PTPRD: variants seen among roughly 807,000 people sequenced by gnomAD.
PTPRD encodes the protein receptor-type tyrosine-protein phosphatase delta.
Under a neutral mutation model 214.5 loss-of-function variants are expected in PTPRD, and 34 were observed. The observed-to-expected ratio is 0.16, with a 90% CI of 0.12 to 0.21. The LOEUF is 0.21. Ranked by LOEUF, PTPRD falls within the 10% of genes least tolerant of loss-of-function variation. The pLI, the probability that PTPRD is intolerant of heterozygous loss-of-function variation, is 1.00. For synonymous variants in PTPRD, 1,128 were observed against 845.7 expected (o/e 1.33, Z -5.79); for missense variants, 2,545 against 2,398.7 (o/e 1.06, Z -1.27).
At chr9:9,913,480 C>A (rs1424864727) in intron 5 of PTPRD, among the ~76,000 whole-genome samples, 1 of 151,980 alleles carries the variant, frequency 6.6e-6, no homozygotes, top group African/African-American at 2.4e-5. Context: ...GAAGAAAGGA[C>A]CAAGTTAATG....
intron 4 of PTPRD, among the ~76,000 whole-genome samples, chr9:9,990,345 G>A (rs368069317): frequency 4.6e-5 from 7 of 152,156 alleles, no homozygotes; most frequent in East Asian, 3.9e-4. Flanking sequence ...TACAATGTAC[G>A]TTTGGCCCAG....
At chr9:9,791,842 C>T (rs2098969679) in intron 5 of PTPRD, among the ~76,000 whole-genome samples, 2 of 152,076 alleles carry the variant, frequency 1.3e-5, no homozygotes, top group Admixed American at 6.5e-5. Flanking sequence ...AAATAGCAGC[C>T]ATGCTGCCAT....
intron 22 of PTPRD, among the ~76,000 whole-genome samples, chr9:8,505,171 G>A (rs1469153132): frequency 6.6e-6 from 1 of 152,068 alleles, no homozygotes; most frequent in East Asian, 1.9e-4. Context: ...CTTAAAATTT[G>A]TCATTTAGCA....
intron 25 of PTPRD, among the ~76,000 whole-genome samples, chr9:8,498,686 T>G (rs193299316): frequency 1.2e-3 from 188 of 152,330 alleles, no homozygotes; most frequent in Middle Eastern, 6.8e-3. Context: ...ACCAATTTCT[T>G]GGATAATGAA....
intron 14 of PTPRD, among the ~76,000 whole-genome samples, chr9:8,624,485 C>A (rs1471183493): frequency 1.3e-5 from 2 of 151,836 alleles, no homozygotes; most frequent in African/African-American, 4.8e-5. Flanking sequence ...GTGCCTAGCA[C>A]TATTCTAGAT....
At chr9:10,103,100 G>A (rs1026956186) in intron 3 of PTPRD, among the ~76,000 whole-genome samples, 4 of 151,298 alleles carry the variant, frequency 2.6e-5, no homozygotes, top group Admixed American at 6.6e-5. Context: ...TGAGGGAGTC[G>A]GTCTATAGAC....
intron 5 of PTPRD, among the ~76,000 whole-genome samples, chr9:9,913,351 A>G (rs1236851527): frequency 6.6e-6 from 1 of 152,172 alleles, no homozygotes; most frequent in East Asian, 1.9e-4. Flanking sequence ...TGATAAATAC[A>G]TGCTATATAA....
chr9:9,762,848 T>C (rs2098671600), intron 6 of PTPRD, among the ~76,000 whole-genome samples: 1 of 152,232 alleles, frequency 6.6e-6, no homozygotes, highest in Non-Finnish European at 1.5e-5. Context: ...TGGGTTGCCA[T>C]AGCAAGATAC....
At chr9:10,012,828 T>G (rs190391783) in intron 4 of PTPRD, among the ~76,000 whole-genome samples, 1 of 151,928 alleles carries the variant, frequency 6.6e-6, no homozygotes, top group Non-Finnish European at 1.5e-5. Context: ...GTAATTGGGA[T>G]AGCTGCTTAG....
At chr9:8,689,506 T>C (rs1026121308) in intron 12 of PTPRD, among the ~76,000 whole-genome samples, 1 of 152,086 alleles carries the variant, frequency 6.6e-6, no homozygotes, top group Non-Finnish European at 1.5e-5. Context: ...TCTTACATGG[T>C]GGCGGTAAAA....
chr9:8,994,985 C>T (rs1359810244), intron 11 of PTPRD, among the ~76,000 whole-genome samples: 1 of 151,948 alleles, frequency 6.6e-6, no homozygotes, highest in Non-Finnish European at 1.5e-5. Flanking sequence ...AATCTGCCCT[C>T]CTTCCATAGT....
intron 9 of PTPRD, among the ~76,000 whole-genome samples, chr9:9,221,262 G>A (rs2099955803): frequency 6.6e-6 from 1 of 152,108 alleles, no homozygotes; most frequent in African/African-American, 2.4e-5. Context: ...CAATGATGAT[G>A]CATGACATGA....
rs771214124 is a variant in PTPRD at position 8,404,589 on chromosome 9, G to A, written c.4158C>T (p.Tyr1386=). 1.1e-5 allele frequency: 17 copies of A among 1,613,370 alleles called. No individual in the cohort carries two copies. The highest frequency in any genetic ancestry group is 5.5e-5 in the South Asian group (5 of 91,048). Residue 1386 remains tyrosine (Y), a synonymous_variant, in exon 36 of 46, where the codon TAC becomes TAT. Coordinates refer to ENST00000381196, the MANE Select transcript of PTPRD (RefSeq NM_002839.4). ...AATGATCATATGCGATTACATTCGC[G>A]TATCTATTCTTTGGTTTGTTTACTT... The part of the protein sequence containing the change: ...NLEVNKPKNR[Y]ANVIAYDHSR...
chr9:9,304,593 A>G (rs1298800269), intron 9 of PTPRD, among the ~76,000 whole-genome samples: 1 of 151,972 alleles, frequency 6.6e-6, no homozygotes, highest in Admixed American at 6.6e-5. Flanking sequence ...ATAATAAAGT[A>G]GCAAACTAAT....
intron 11 of PTPRD, among the ~76,000 whole-genome samples, chr9:8,826,179 T>C (rs1033798447): frequency 6.6e-6 from 1 of 151,986 alleles, no homozygotes; most frequent in Non-Finnish European, 1.5e-5. Context: ...CAGTTGGAAA[T>C]CCTGTAGTCA....
chr9:10,108,476 A>T (rs2098657438), intron 3 of PTPRD, among the ~76,000 whole-genome samples: 1 of 151,336 alleles, frequency 6.6e-6, no homozygotes, highest in Non-Finnish European at 1.5e-5. Flanking sequence ...TCCCCAGCCC[A>T]CCCCATCCCA....
chr9:10,350,745 A>T (rs1428425725), intron 2 of PTPRD, among the ~76,000 whole-genome samples: 1 of 152,184 alleles, frequency 6.6e-6, no homozygotes, highest in African/African-American at 2.4e-5. Flanking sequence ...ATTAGGATTA[A>T]ATTCATCCAT....
intron 2 of PTPRD, among the ~76,000 whole-genome samples, chr9:10,397,034 C>A (rs1025603886): frequency 2.0e-5 from 3 of 151,962 alleles, no homozygotes; most frequent in Non-Finnish European, 2.9e-5. Context: ...TTACAAATAG[C>A]TTAGAAATAT....
At chr9:10,159,244 C>A (rs2099112535) in intron 3 of PTPRD, among the ~76,000 whole-genome samples, 1 of 151,870 alleles carries the variant, frequency 6.6e-6, no homozygotes, top group Non-Finnish European at 1.5e-5. Context: ...AGAAAATCAA[C>A]AGGTAAGTTA....
Sources: allele counts gnomAD v4.1 joint callset (sites outside exome capture counted in the v4.1 genomes callset), GRCh38; gene constraint gnomAD v4.1.1; transcripts MANE v1.5; gene names NCBI Gene and HGNC (gene_info 2026-07-23, HGNC 2026-07-21).